Variants in CEP170B observed in about 807,000 individuals in gnomAD.
The protein encoded by CEP170B is centrosomal protein 170B.
In CEP170B, 55 loss-of-function variants were observed where a neutral mutation model predicts 120.6. That is an observed-to-expected ratio of 0.46 (90% CI 0.37 to 0.57). The LOEUF (loss-of-function observed/expected upper bound fraction) is 0.57, where lower values mean the gene tolerates loss of function less well. CEP170B is among the 20% of genes least tolerant of loss of function. The pLI, the probability that CEP170B is intolerant of heterozygous loss-of-function variation, is 0.00. For missense variants in CEP170B, 2,212 were observed against 2,253.3 expected (o/e 0.98, Z 0.37); for synonymous variants, 1,033 against 954.5 (o/e 1.08, Z -1.52).
At chr14:104,889,570 C>T (rs764909060) in intron 12 of CEP170B, 50 bp from the exon 13 acceptor site, 103 of 1,602,488 alleles carry the variant, frequency 6.4e-5, no homozygotes, top group Non-Finnish European at 7.8e-5. Context: ...AGGAGGAGTA[C>T]GGCTCCCGCC....
rs768423231 is a variant in CEP170B at position 104,889,678 on chromosome 14, C to T, written c.3798C>T (p.Pro1266=). ...GGGCTCGTTCCCGGGCCCCCGGCCC[C>T]CGGGACACGGACGACGATGAGGAGG... ...SSRARSRAPG[P]RDTDDDEEEP... is the part of the protein sequence containing the mutation. The change falls in exon 13 of 19, where the codon CCC becomes CCT. Residue 1266 remains proline (P), a synonymous_variant. Transcript: ENST00000414716. 1 of 1,612,210 alleles carries T rather than the reference C, an allele frequency of 6.2e-7. No individual in the cohort carries two copies. The highest frequency in any genetic ancestry group is 1.1e-5 in the South Asian group (1 of 91,050).
rs950330847 is a variant in CEP170B at position 104,867,050 on chromosome 14, C to G, written c.-27-1374C>G. Among the ~76,000 whole-genome samples, 1 of 152,204 alleles carries G rather than the reference C, an allele frequency of 6.6e-6. No homozygotes were observed. Among genetic ancestry groups the G allele is most frequent in the Non-Finnish European group, 1.5e-5 (1 of 68,024 alleles). On this transcript the variant is annotated intron_variant, in intron 1 of 18. Coordinates refer to ENST00000414716, the MANE Select transcript of CEP170B (RefSeq NM_001112726.3). This position sits in a 1 kb window ranked among gnomAD's most constrained non-coding sequence, Gnocchi z 5.4. Reference sequence around the variant, plus strand: ...CCCCACAGAGCCCTTGCTTGGACCCCGCATGTGGCATCTTGCTCAGCTCTC... The same window carrying G: ...CCCCACAGAGCCCTTGCTTGGACCCGGCATGTGGCATCTTGCTCAGCTCTC...
chr14:104,882,650 C>G, intron 6 of CEP170B, 78 bp from the exon 7 acceptor site: 1 of 1,221,200 alleles, frequency 8.2e-7, no homozygotes, highest in Non-Finnish European at 1.2e-6. Context: ...AGTCCAGCCT[C>G]TCCTGGGCTG....
chr14:104,892,527 GGCCTCAGCCCACTCCCTTCCTT>G (rs1235872156), intron 13 of CEP170B, among the ~76,000 whole-genome samples: 2 of 149,806 alleles, frequency 1.3e-5, no homozygotes, highest in East Asian at 2.0e-4. Flanking sequence ...TAGTTTCTGT[GGCCTCAGCCCACTCCCTTCCTT>G]GCCTCAGTTT....
chr14:104,888,523 GCC>G (rs1896635850), intron 12 of CEP170B, among the ~76,000 whole-genome samples: 1 of 152,228 alleles, frequency 6.6e-6, no homozygotes, highest in African/African-American at 2.4e-5. Context: ...GTCCTGCCCT[GCC>G]CCCCAGATGT....
Position 104,895,131 on chromosome 14 carries a change from A to C in CEP170B, c.*173A>C. 2.9e-6 allele frequency: 2 copies of C among 682,772 alleles called. No homozygotes were observed. The highest frequency in any genetic ancestry group is 3.0e-5 in the East Asian group (1 of 33,786). 42.3% of individuals were successfully genotyped at this position (682,772 alleles called of 1,614,324 possible). On this transcript the variant is annotated 3_prime_UTR_variant, in exon 19 of 19. Coordinates refer to ENST00000414716, the MANE Select transcript of CEP170B (RefSeq NM_001112726.3). ...GCCCCCTCGTCAGCTCCCAGCCAGCACCCTACTCACCCTGTCCAGCCCCAT... is the reference window on the plus strand; with the variant it reads ...GCCCCCTCGTCAGCTCCCAGCCAGCCCCCTACTCACCCTGTCCAGCCCCAT...
chr14:104,892,602 A>G lies in CEP170B; in HGVS notation c.3879-374A>G, dbSNP rs531864985. Reference sequence around the variant, plus strand: ...GGCACCCGTGGCACCCACACGTTCTATGACTGAGTCCCATCCATCCCATTT... The same window carrying G: ...GGCACCCGTGGCACCCACACGTTCTGTGACTGAGTCCCATCCATCCCATTT... On this transcript the variant is annotated intron_variant, in intron 13 of 18. Transcript: ENST00000414716. Among the ~76,000 whole-genome samples the G allele has an allele frequency of 7.9e-4, 121 of 152,220 alleles. 1 individual carries two copies. Among genetic ancestry groups the G allele is most frequent in the African/African-American group, 2.7e-3 (114 of 41,518 alleles).
Position 104,887,617 on chromosome 14 carries a change from G to T in CEP170B, c.3378G>T (p.Leu1126=), listed in dbSNP as rs769347336. 2 of 1,575,864 alleles carry T rather than the reference G, an allele frequency of 1.3e-6. No homozygotes were observed. The highest frequency in any genetic ancestry group is 1.7e-6 in the Non-Finnish European group (2 of 1,162,706). The change falls in exon 12 of 19, where the codon CTG becomes CTT. Residue 1126 remains leucine (L), a synonymous_variant. Transcript: ENST00000414716. ...CTCGCCCCACACGGGCCTCCCGGCT[G>T]AGGCGGGCCCGGCTGGGGGACGCTT... ...STPRPTRASR[L]RRARLGDASD...
intron 10 of CEP170B, 94 bp from the exon 11 acceptor site, chr14:104,885,946 T>G: frequency 8.7e-7 from 1 of 1,145,782 alleles, no homozygotes; most frequent in Non-Finnish European, 1.2e-6. Context: ...GGGGCTGGTG[T>G]TGGCTGCTCT....
Position 104,894,340 on chromosome 14 carries a change from G to C in CEP170B, c.4327G>C (p.Ala1443Pro). The C allele has an allele frequency of 6.2e-7, 1 of 1,613,600 alleles. No homozygotes were observed. The highest frequency in any genetic ancestry group is 8.5e-7 in the Non-Finnish European group (1 of 1,179,884). Residue 1443 changes from alanine (A) to proline (P), a missense_variant, in exon 17 of 19, where the codon GCC (alanine) becomes CCC (proline). Physicochemically the swap from Ala to Pro is conservative, Grantham distance 27 (BLOSUM62 -1). Transcript: ENST00000414716. ...GGAGGACCTGGAAGCCAGGATCAAC[G>C]CCGAGAACGAGGTGCCCATCCTGAA... Reference protein sequence around the residue: ...AWEDLEARINAENEVPILKTS... With the variant: ...AWEDLEARINPENEVPILKTS...
At chr14:104,872,839 G>A (rs1371449580) in intron 2 of CEP170B, among the ~76,000 whole-genome samples, 1 of 152,236 alleles carries the variant, frequency 6.6e-6, no homozygotes, top group East Asian at 1.9e-4. Flanking sequence ...CGTCAGACGT[G>A]AACTTTGGGA....
Position 104,880,377 on chromosome 14 carries a change from G to A in CEP170B, c.424G>A (p.Glu142Lys), listed in dbSNP as rs373618030. ...EALPEHTPYC[E>K]ASNPRPEKGD... ...ACTGCCGGAACACACACCATACTGCGAGGCCTCGAACCCCAGGCCGGAGAA... is the reference window on the plus strand; with the variant it reads ...ACTGCCGGAACACACACCATACTGCAAGGCCTCGAACCCCAGGCCGGAGAA... Residue 142 changes from glutamate to lysine, a missense_variant, in exon 6 of 19, where the codon GAG becomes AAG. By Grantham distance (56) the Glu-to-Lys change is moderately conservative (BLOSUM62 1). Transcript: ENST00000414716. The A allele has an allele frequency of 4.8e-5, 78 of 1,612,620 alleles. No homozygotes were observed. The highest frequency in any genetic ancestry group is 4.5e-4 in the East Asian group (20 of 44,856).
At position 104,870,698 on chromosome 14, in the gene CEP170B, C is replaced by T. The variant is rs2140624078; in HGVS notation, c.105+2143C>T. ...TTTGGGGTCCGATTCCGAGTTTCTG[C>T]ACCTGTCAGTGGAGCCCTGAGCAGG... On this transcript the variant is annotated intron_variant, in intron 2 of 18. Transcript: ENST00000414716. The surrounding 1 kb of genome is among the most constrained non-coding windows in gnomAD (Gnocchi z 4.1). 6.6e-6 allele frequency among the ~76,000 whole-genome samples: 1 copy of T among 152,280 alleles called. No individual in the cohort carries two copies. Among genetic ancestry groups the T allele is most frequent in the South Asian group, 2.1e-4 (1 of 4,826 alleles).
At chr14:104,888,615 C>G (rs1343018521) in intron 12 of CEP170B, among the ~76,000 whole-genome samples, 1 of 152,264 alleles carries the variant, frequency 6.6e-6, no homozygotes, top group East Asian at 1.9e-4. Context: ...ACATCCGCGT[C>G]TGCAGAGCGG....
Position 104,878,402 on chromosome 14 carries a change from C to T in CEP170B, c.275-41C>T, listed in dbSNP as rs571103838. On this transcript the variant is annotated intron_variant, in intron 4 of 18. Coordinates refer to ENST00000414716, the MANE Select transcript of CEP170B (RefSeq NM_001112726.3). ...TGGGCGTGGACTTCAGCGCTGGGCT[C>T]CTGGCTCTTCTGCTCTGTGTTCGCC... The T allele has an allele frequency of 1.7e-4, 266 of 1,601,986 alleles. 3 individuals are homozygous for T. In the South Asian group the frequency reaches 2.7e-3, roughly 16 times the overall value.
intron 8 of CEP170B, 144 bp downstream of exon 8, chr14:104,883,652 C>T: frequency 4.5e-6 from 5 of 1,101,580 alleles, no homozygotes; most frequent in Non-Finnish European, 6.3e-6. Flanking sequence ...GAGCCACCTG[C>T]CTGGTCAGGA....
rs1284378725 is a variant in CEP170B at position 104,891,345 on chromosome 14, C to T, written c.3878+1587C>T. Among the ~76,000 whole-genome samples, 1 of 151,940 alleles carries T rather than the reference C, an allele frequency of 6.6e-6. No homozygotes were observed. The highest frequency in any genetic ancestry group is 1.5e-5 in the Non-Finnish European group (1 of 67,958). On this transcript the variant is annotated intron_variant, in intron 13 of 18. Coordinates refer to ENST00000414716, the MANE Select transcript of CEP170B (RefSeq NM_001112726.3). This position sits in a 1 kb window ranked among gnomAD's most constrained non-coding sequence, Gnocchi z 4.3. ...GCTGTGGGGCAGGCAGGGGGGGTCC[C>T]AGGACCAGGGTGGATGGCAAGTGTT...
Position 104,891,232 on chromosome 14 carries a change from G to A in CEP170B, c.3878+1474G>A, listed in dbSNP as rs565876123. Reference sequence around the variant, plus strand: ...TAACAGGGCCCTCTCCAGGCCAGGCGCTGGGGAGGATGGGGTAGGGAGTTG... The same window carrying A: ...TAACAGGGCCCTCTCCAGGCCAGGCACTGGGGAGGATGGGGTAGGGAGTTG... On this transcript the variant is annotated intron_variant, in intron 13 of 18. Coordinates refer to ENST00000414716, the MANE Select transcript of CEP170B (RefSeq NM_001112726.3). This position sits in a 1 kb window ranked among gnomAD's most constrained non-coding sequence, Gnocchi z 4.3. 3.1e-4 allele frequency among the ~76,000 whole-genome samples: 47 copies of A among 152,132 alleles called. 1 individual carries two copies. Among genetic ancestry groups the A allele is most frequent in the Non-Finnish European group, 5.4e-4 (37 of 68,002 alleles).
chr14:104,872,211 G>A (rs1475748142), intron 2 of CEP170B, among the ~76,000 whole-genome samples: 12 of 142,016 alleles, frequency 8.4e-5, no homozygotes, highest in African/African-American at 3.2e-4. Flanking sequence ...GGGTGTGCGT[G>A]TGTGTACCAT....
Sources: gnomAD v4.1 joint callset for allele counts (sites outside exome capture counted in the v4.1 genomes callset) on GRCh38, gnomAD v4.1.1 for gene constraint, Gnocchi (gnomAD v3.1) non-coding constraint, MANE v1.5 for transcripts, NCBI Gene and HGNC (gene_info 2026-07-23, HGNC 2026-07-21) for gene names.